The following TRPM3 variants were observed in gnomAD, a reference collection of about 807,000 sequenced individuals.
The protein encoded by TRPM3 is long transient receptor potential channel 3.
A neutral mutation model predicts 181.2 loss-of-function variants in TRPM3; 77 were observed. The observed-to-expected ratio is 0.42, with a 90% CI of 0.35 to 0.51. The LOEUF (loss-of-function observed/expected upper bound fraction) is 0.51. Ranked by LOEUF, TRPM3 falls within the 20% of genes least tolerant of loss-of-function variation. TRPM3 has a pLI of 0.01. For synonymous variants in TRPM3, 745 were observed against 796.4 expected (o/e 0.94, Z 1.09); for missense variants, 1,759 against 2,196.7 (o/e 0.80, Z 3.98).
intron 3 of TRPM3, among the ~76,000 whole-genome samples, chr9:70,847,613 G>C (rs1037131054): frequency 1.3e-5 from 2 of 152,040 alleles, no homozygotes; most frequent in Non-Finnish European, 2.9e-5. Flanking sequence ...ATCCCACATA[G>C]GGCTGGTATA....
chr9:71,301,655 TA>T (rs771192610), intron 1 of TRPM3, among the ~76,000 whole-genome samples: 1 of 152,126 alleles, frequency 6.6e-6, no homozygotes, highest in Non-Finnish European at 1.5e-5. Flanking sequence ...GCTCAGATGA[TA>T]AGGGGAAAGA....
intron 1 of TRPM3, among the ~76,000 whole-genome samples, chr9:70,873,926 C>T (rs921820286): frequency 2.6e-5 from 4 of 151,938 alleles, no homozygotes; most frequent in Non-Finnish European, 4.4e-5. Flanking sequence ...ATCAATTTCT[C>T]ATCCCTATAA....
chr9:71,156,394 C>CAA (rs2076003870), intron 1 of TRPM3, among the ~76,000 whole-genome samples: 1 of 146,484 alleles, frequency 6.8e-6, no homozygotes, highest in Non-Finnish European at 1.5e-5. Flanking sequence ...CACACACACA[C>CAA]ACACACACAC....
chr9:70,664,112 TAGC>T (rs1343444795), intron 9 of TRPM3, among the ~76,000 whole-genome samples: 1 of 152,188 alleles, frequency 6.6e-6, no homozygotes, highest in Non-Finnish European at 1.5e-5. Flanking sequence ...TTAATAGACT[TAGC>T]AGGTAAATAA....
chr9:70,761,876 T>C (rs2078217325), intron 7 of TRPM3, 152 bp from the exon 8 acceptor site: 4 of 906,280 alleles, frequency 4.4e-6, no homozygotes, highest in South Asian at 4.8e-5. Context: ...CCGCCTGTGA[T>C]AATTTAAAAA....
chr9:71,311,822 A>G (rs908709028), intron 1 of TRPM3, among the ~76,000 whole-genome samples: 1 of 152,082 alleles, frequency 6.6e-6, no homozygotes, highest in Non-Finnish European at 1.5e-5. Context: ...AAAATAAAAA[A>G]ACAAACCACA....
intron 1 of TRPM3, among the ~76,000 whole-genome samples, chr9:71,371,476 A>C (rs2092511475): frequency 6.6e-6 from 1 of 152,224 alleles, no homozygotes; most frequent in African/African-American, 2.4e-5. Context: ...AAGTAACTAC[A>C]GATGTAGTAG....
At chr9:71,197,084 T>C (rs950357775) in intron 1 of TRPM3, among the ~76,000 whole-genome samples, 1 of 152,146 alleles carries the variant, frequency 6.6e-6, no homozygotes, top group African/African-American at 2.4e-5. Flanking sequence ...TGTGTTCTCA[T>C]TGTTCAATTC....
intron 1 of TRPM3, among the ~76,000 whole-genome samples, chr9:71,086,237 A>G (rs1221750513): frequency 6.6e-6 from 1 of 151,956 alleles, no homozygotes; most frequent in Non-Finnish European, 1.5e-5. Context: ...TGAAAAACTA[A>G]CTATTGGGTC....
rs144823346 is a variant in TRPM3, at chr9:70,552,867, G to A, written c.3551C>T (p.Pro1184Leu). The A allele has an allele frequency of 8.6e-5, 139 of 1,614,050 alleles. 1 individual carries two copies. In the East Asian group the frequency reaches 1.1e-3, roughly 13 times the overall value. ...ACTCAGGCCGTAGTCCCTTTCATCCGGGTCGCTCTCGTGTTTCCTCCATCG... is the reference window on the plus strand; with the variant it reads ...ACTCAGGCCGTAGTCCCTTTCATCCAGGTCGCTCTCGTGTTTCCTCCATCG... ...CCRWRKHESD[P>L]DERDYGLKLF... The change falls in exon 24 of 26, where the codon CCG becomes CTG. Residue 1184 changes from proline (P) to leucine (L), a missense_variant. Around this residue, in one of 8 missense-constraint regions of TRPM3, gnomAD observed 96 missense variants for 129.6 expected, o/e 0.74. Transcript: ENST00000677713.
At chr9:71,288,887 G>A (rs776589889) in intron 1 of TRPM3, among the ~76,000 whole-genome samples, 2 of 152,072 alleles carry the variant, frequency 1.3e-5, no homozygotes, top group Non-Finnish European at 2.9e-5. Flanking sequence ...GAGAGACAGT[G>A]GGGCATGCAT....
intron 1 of TRPM3, among the ~76,000 whole-genome samples, chr9:70,996,309 C>T (rs1412393036): frequency 1.3e-5 from 2 of 152,082 alleles, no homozygotes; most frequent in Admixed American, 6.5e-5. Flanking sequence ...TGGTGAAAGG[C>T]ATAGGTTTAA....
chr9:70,974,251 T>C (rs2133950679), intron 1 of TRPM3, among the ~76,000 whole-genome samples: 1 of 152,062 alleles, frequency 6.6e-6, no homozygotes, highest in East Asian at 1.9e-4. Context: ...GTTTAAATAA[T>C]TTACGTGGCC....
At chr9:70,754,722 C>A (rs1282808217) in intron 8 of TRPM3, among the ~76,000 whole-genome samples, 1 of 152,118 alleles carries the variant, frequency 6.6e-6, no homozygotes, top group Non-Finnish European at 1.5e-5. Flanking sequence ...GTTAGACTGG[C>A]CTCATAATAT....
intron 22 of TRPM3, among the ~76,000 whole-genome samples, chr9:70,582,700 G>A (rs921760253): frequency 5.9e-5 from 9 of 152,130 alleles, no homozygotes; most frequent in African/African-American, 2.2e-4. Context: ...AGCCATATGT[G>A]ACGAGCAGCT....
intron 9 of TRPM3, among the ~76,000 whole-genome samples, chr9:70,680,128 A>G (rs1257188710): frequency 3.3e-5 from 5 of 152,208 alleles, no homozygotes; most frequent in Admixed American, 2.0e-4. Context: ...CTGACAAATT[A>G]GTATTGTCAG....
At chr9:70,798,360 G>A (rs1183816540) in intron 6 of TRPM3, among the ~76,000 whole-genome samples, 4 of 151,958 alleles carry the variant, frequency 2.6e-5, no homozygotes, top group Admixed American at 6.6e-5. Context: ...TGGGCCCCTC[G>A]GGGTACTATT....
intron 1 of TRPM3, among the ~76,000 whole-genome samples, chr9:71,192,106 T>C (rs1442648132): frequency 6.6e-6 from 1 of 151,860 alleles, no homozygotes. Flanking sequence ...TACGTAAATA[T>C]ATTATAGCAA....
chr9:70,871,206 G>A (rs1344041904), intron 1 of TRPM3, among the ~76,000 whole-genome samples: 1 of 151,904 alleles, frequency 6.6e-6, no homozygotes, highest in Non-Finnish European at 1.5e-5. Flanking sequence ...TGAGCTAGTA[G>A]GCTGTAGTGG....
Sources: gnomAD v4.1 joint callset for allele counts (sites outside exome capture counted in the v4.1 genomes callset) on GRCh38, gnomAD v4.1.1 for gene constraint, gnomAD v4.1.1 regional missense constraint, MANE v1.5 for transcripts, NCBI Gene and HGNC (gene_info 2026-07-23, HGNC 2026-07-21) for gene names.